The following RBPMS variants were observed in gnomAD, a reference collection of about 807,000 sequenced individuals.
RBPMS encodes RNA binding protein, mRNA processing factor.
Under a neutral mutation model 26.8 loss-of-function variants are expected in RBPMS, and 7 were observed. The observed-to-expected ratio is 0.26, with a 90% CI of 0.15 to 0.49. The LOEUF (loss-of-function observed/expected upper bound fraction) is 0.49. RBPMS is among the 20% of genes least tolerant of loss of function. The pLI is 0.98. For synonymous variants in RBPMS, 96 were observed against 93.3 expected (o/e 1.03, Z -0.17); for missense variants, 186 against 250.0 (o/e 0.74, Z 1.73).
chr8:30,424,565 C>T (rs1193320583), intron 1 of RBPMS, among the ~76,000 whole-genome samples: 1 of 152,166 alleles, frequency 6.6e-6, no homozygotes, highest in African/African-American at 2.4e-5. Flanking sequence ...ATACTCTGCT[C>T]CGTTTGGCTG....
At chr8:30,534,553 G>A (rs181514229) in intron 5 of RBPMS, among the ~76,000 whole-genome samples, 1 of 152,352 alleles carries the variant, frequency 6.6e-6, no homozygotes, top group Non-Finnish European at 1.5e-5. Flanking sequence ...GAAGAACGGG[G>A]GTGGTGGAGT....
At position 30,556,771 on chromosome 8, in the gene RBPMS, G is replaced by A. The variant is rs183871688; in HGVS notation, c.529-2116G>A. ...TTTGCTTAGTGAGCAAGTGGATTCA[G>A]ATGCACCAGGCCATGAGCCGTGGGT... On this transcript the variant is annotated intron_variant, in intron 6 of 8. Coordinates refer to ENST00000397323, the MANE Select transcript of RBPMS (RefSeq NM_001008710.3). The A allele has an allele frequency of 3.2e-5, 32 of 985,982 alleles. No individual in the cohort carries two copies. In the African/African-American group the frequency reaches 5.2e-4, roughly 16 times the overall value. 61.1% of individuals were successfully genotyped at this position (985,982 alleles called of 1,614,324 possible). A position where few individuals can be genotyped will look rare whatever the true frequency, so the allele number is the denominator to read the frequency against.
At chr8:30,506,830 T>A (rs1821118946) in intron 5 of RBPMS, among the ~76,000 whole-genome samples, 1 of 152,224 alleles carries the variant, frequency 6.6e-6, no homozygotes, top group African/African-American at 2.4e-5. Context: ...GGTTTGATTA[T>A]ACAACACACA....
At position 30,474,767 on chromosome 8, in the gene RBPMS, T is replaced by C. The variant is rs1343528522; in HGVS notation, c.67-12T>C. ...CCACACCCTTGATCACTTCCTAAAT[T>C]TATTTTTCCAGGTCCGGACCCTATT... On this transcript the variant is annotated splice_polypyrimidine_tract_variant and intron_variant, in intron 1 of 8. Transcript: ENST00000397323. 1 of 1,581,814 alleles carries C rather than the reference T, an allele frequency of 6.3e-7. No homozygotes were observed. Among genetic ancestry groups the C allele is most frequent in the African/African-American group, 1.3e-5 (1 of 74,252 alleles).
chr8:30,511,475 AAAAAAAAAAAAATAT>A (rs1315656268), intron 5 of RBPMS, among the ~76,000 whole-genome samples: 2 of 6,056 alleles, frequency 3.3e-4, no homozygotes, highest in African/African-American at 1.1e-3. Context: ...AAAAAAGAAA[AAAAAAAAAAAAATAT>A]ATATATATAT....
intron 5 of RBPMS, among the ~76,000 whole-genome samples, chr8:30,526,904 C>CT (rs1823645338): frequency 6.6e-6 from 1 of 152,114 alleles, no homozygotes; most frequent in Non-Finnish European, 1.5e-5. Context: ...GGAGATGTGG[C>CT]TTTGTCTTAG....
At chr8:30,485,159 A>G (rs918839239) in intron 4 of RBPMS, among the ~76,000 whole-genome samples, 3 of 152,222 alleles carry the variant, frequency 2.0e-5, no homozygotes, top group Non-Finnish European at 4.4e-5. Context: ...GCTTGGTTAG[A>G]CAGTCTCTGT....
chr8:30,544,108 G>A (rs1463214100), intron 5 of RBPMS, among the ~76,000 whole-genome samples: 1 of 152,222 alleles, frequency 6.6e-6, no homozygotes, highest in African/African-American at 2.4e-5. Flanking sequence ...GCTCTGCAGT[G>A]GGTTCTCATG....
At chr8:30,432,836 A>G (rs1212764859) in intron 1 of RBPMS, among the ~76,000 whole-genome samples, 1 of 152,140 alleles carries the variant, frequency 6.6e-6, no homozygotes, top group Non-Finnish European at 1.5e-5. Flanking sequence ...ACGATTCCAC[A>G]TTATTTTCTG....
chr8:30,514,703 T>TTA (rs58473169), intron 5 of RBPMS, among the ~76,000 whole-genome samples: 1 of 135,256 alleles, frequency 7.4e-6, no homozygotes, highest in African/African-American at 2.8e-5. Context: ...TTTTTTTTTT[T>TTA]AATGTAGAGG....
intron 1 of RBPMS, among the ~76,000 whole-genome samples, chr8:30,420,504 TCAC>T (rs1441574528): frequency 6.6e-6 from 1 of 152,098 alleles, no homozygotes; most frequent in African/African-American, 2.4e-5. Flanking sequence ...AAGAGACAAA[TCAC>T]CAAATGAAAC....
At chr8:30,457,939 T>C (rs10088923) in intron 1 of RBPMS, among the ~76,000 whole-genome samples, 37,687 of 152,058 alleles carry the variant, frequency 0.25, 5,025 homozygotes, top group East Asian at 0.42. Flanking sequence ...AGGTAGCATT[T>C]GAGGAGTTTA....
intron 1 of RBPMS, among the ~76,000 whole-genome samples, chr8:30,418,639 C>T (rs772506595): frequency 2.0e-5 from 3 of 152,106 alleles, no homozygotes; most frequent in East Asian, 3.9e-4. Context: ...AGTGCAGTGG[C>T]GTGATCTTGT....
intron 1 of RBPMS, chr8:30,442,641 G>A (rs1449301984): frequency 6.6e-6 from 1 of 152,422 alleles, no homozygotes; most frequent in African/African-American, 2.4e-5. Flanking sequence ...GGCTGAGCCG[G>A]GCTGGTGCGC....
At chr8:30,427,357 C>A (rs1811470386) in intron 1 of RBPMS, among the ~76,000 whole-genome samples, 1 of 152,198 alleles carries the variant, frequency 6.6e-6, no homozygotes, top group Non-Finnish European at 1.5e-5. Flanking sequence ...CCTGTCAAAT[C>A]TTCACAGTGC....
intron 8 of RBPMS, among the ~76,000 whole-genome samples, chr8:30,569,604 G>A (rs1356516736): frequency 6.6e-6 from 1 of 152,290 alleles, no homozygotes; most frequent in African/African-American, 2.4e-5. Flanking sequence ...GATGAGCAGG[G>A]GTGGAGAGTG....
At chr8:30,411,845 G>A (rs1809472488) in intron 1 of RBPMS, among the ~76,000 whole-genome samples, 1 of 151,890 alleles carries the variant, frequency 6.6e-6, no homozygotes, top group African/African-American at 2.4e-5. Flanking sequence ...AATTAGCTGG[G>A]CGTTGTGGTC....
intron 5 of RBPMS, among the ~76,000 whole-genome samples, chr8:30,520,079 AAG>A (rs890130955): frequency 2.0e-4 from 30 of 152,290 alleles, no homozygotes; most frequent in African/African-American, 7.0e-4. Context: ...GGTGTAAACT[AAG>A]AGGGGTTTGT....
intron 1 of RBPMS, among the ~76,000 whole-genome samples, chr8:30,434,776 A>AACACACACAC (rs33991199): frequency 2.3e-4 from 34 of 147,526 alleles, no homozygotes; most frequent in African/African-American, 6.8e-4. Context: ...ATTCCCATAT[A>AACACACACAC]ACACACACAC....
Sources: gnomAD v4.1 joint callset for allele counts (sites outside exome capture counted in the v4.1 genomes callset) on GRCh38, gnomAD v4.1.1 for gene constraint, MANE v1.5 for transcripts, NCBI Gene and HGNC (gene_info 2026-07-23, HGNC 2026-07-21) for gene names.